Variants in LMNA observed in about 807,000 individuals in gnomAD.
The protein encoded by LMNA is lamin.
LMNA carries 20 observed loss-of-function variants against 70.4 expected under a neutral mutation model. The observed-to-expected ratio is 0.28, with a 90% confidence interval of 0.20 to 0.41. The LOEUF is 0.41. LMNA is among the 10% of genes least tolerant of loss of function. The probability of loss-of-function intolerance (pLI) is 1.00; values close to 1 mark genes in which losing one functional copy is unlikely to be tolerated. For missense variants in LMNA, 652 were observed against 917.2 expected (o/e 0.71, Z 3.73); for synonymous variants, 339 against 372.8 (o/e 0.91, Z 1.04).
upstream of LMNA, among the ~76,000 whole-genome samples, chr1:156,112,244 G>A (rs140612013): frequency 2.0e-5 from 3 of 152,186 alleles, no homozygotes; most frequent in South Asian, 2.1e-4. Context: ...GCAAGGCTCC[G>A]TCTCTATCAT....
Position 156,131,431 on chromosome 1 carries a change from T to C in LMNA, c.513+658T>C, listed in dbSNP as rs115745984. Reference sequence around the variant, plus strand: ...AGACCCCATCTCTAGAAAATAAAAATTTAAAGAAATTAGCTGGGCATGGTG... The same window carrying C: ...AGACCCCATCTCTAGAAAATAAAAACTTAAAGAAATTAGCTGGGCATGGTG... On this transcript the variant is annotated intron_variant, in intron 2 of 11. Coordinates refer to ENST00000368300, the MANE Select transcript of LMNA (RefSeq NM_170707.4). Among the ~76,000 whole-genome samples the C allele has an allele frequency of 4.8e-3, 711 of 147,516 alleles. 6 individuals are homozygous for C. The highest frequency in any genetic ancestry group is 0.017 in the African/African-American group (674 of 39,626).
At chr1:156,133,371 G>C (rs1651248826) in intron 2 of LMNA, among the ~76,000 whole-genome samples, 1 of 151,656 alleles carries the variant, frequency 6.6e-6, no homozygotes, top group Admixed American at 6.6e-5. Context: ...AGGAGATCGA[G>C]ACTATCCTGG....
intron 1 of LMNA, chr1:156,129,742 A>C: frequency 1.5e-6 from 1 of 661,344 alleles, no homozygotes. Context: ...AAAAATAATC[A>C]GGGGCCCAGA....
At chr1:156,126,298 C>A in intron 1 of LMNA, 1 of 1,114,170 alleles carries the variant, frequency 9.0e-7, no homozygotes, top group Non-Finnish European at 1.2e-6. Context: ...TCCCCTTTGT[C>A]TTCCCCTCCC....
At chr1:156,124,265 A>C (rs2102842946) in intron 1 of LMNA, among the ~76,000 whole-genome samples, 1 of 151,794 alleles carries the variant, frequency 6.6e-6, no homozygotes, top group Middle Eastern at 3.4e-3. Flanking sequence ...TCCCTGGAAC[A>C]GCTGCCCCCC....
chr1:156,108,502 G>A, intron 3 of LMNA, among the ~76,000 whole-genome samples: 1 of 152,112 alleles, frequency 6.6e-6, no homozygotes, highest in East Asian at 1.9e-4. Context: ...GGCTGGGCGT[G>A]GTGGCTCATG....
upstream of LMNA, among the ~76,000 whole-genome samples, chr1:156,113,860 CAGTAGAAAGGG>C (rs1649631681): frequency 6.6e-6 from 1 of 152,056 alleles, no homozygotes; most frequent in Non-Finnish European, 1.5e-5. Flanking sequence ...GTGCGGTAAG[CAGTAGAAAGGG>C]ACTGAAGGGG....
At chr1:156,131,048 G>A (rs1044402029) in intron 2 of LMNA, among the ~76,000 whole-genome samples, 1 of 152,122 alleles carries the variant, frequency 6.6e-6, no homozygotes, top group Non-Finnish European at 1.5e-5. Flanking sequence ...GAGGTGGGCC[G>A]ATCACGAGGT....
At chr1:156,122,630 A>G (rs1437830727) in intron 1 of LMNA, among the ~76,000 whole-genome samples, 4 of 152,216 alleles carry the variant, frequency 2.6e-5, no homozygotes, top group Non-Finnish European at 4.4e-5. Context: ...GGACGGTGGA[A>G]AGGGCTGTGT....
intron 3 of LMNA, among the ~76,000 whole-genome samples, chr1:156,095,643 C>T (rs182332617): frequency 1.6e-3 from 244 of 152,274 alleles, no homozygotes; most frequent in Non-Finnish European, 2.8e-3. Flanking sequence ...AGGCGTGAGC[C>T]ACTGCGCCCG....
chr1:156,117,153 C>T (rs1001952484), intron 1 of LMNA, among the ~76,000 whole-genome samples: 1 of 146,500 alleles, frequency 6.8e-6, no homozygotes, highest in Non-Finnish European at 1.5e-5. Flanking sequence ...TGGTCTCAAA[C>T]TCCTGACTTC....
chr1:156,083,783 C>T (rs535294321), intron 2 of LMNA, among the ~76,000 whole-genome samples: 1 of 151,722 alleles, frequency 6.6e-6, no homozygotes, highest in Non-Finnish European at 1.5e-5. Flanking sequence ...GTCCCCCCCA[C>T]AAAAAAACAA....
At chr1:156,088,659 A>T (rs1307693777) in intron 2 of LMNA, among the ~76,000 whole-genome samples, 1 of 152,136 alleles carries the variant, frequency 6.6e-6, no homozygotes, top group African/African-American at 2.4e-5. Context: ...TTTATTTTAT[A>T]TATTTTTTGA....
chr1:156,113,076 C>A (rs1649597741), upstream of LMNA, among the ~76,000 whole-genome samples: 1 of 151,934 alleles, frequency 6.6e-6, no homozygotes, highest in South Asian at 2.1e-4. Flanking sequence ...AGGCAGATTA[C>A]CTGAGGTCGG....
Position 156,139,558 on chromosome 1 carries a change from C to T in LMNA, c.*452C>T. The T allele has an allele frequency of 2.2e-6, 3 of 1,388,466 alleles. No individual in the cohort carries two copies. The highest frequency in any genetic ancestry group is 1.9e-6 in the Non-Finnish European group (2 of 1,075,496). The allele number at this position is 1,388,466 out of a possible 1,614,324, so 86.0% of individuals were successfully genotyped here. On this transcript the variant is annotated 3_prime_UTR_variant, in exon 12 of 12. Coordinates refer to ENST00000368300, the MANE Select transcript of LMNA (RefSeq NM_170707.4). Reference sequence around the variant, plus strand: ...TTCTCCGCCAGCCTCCTCTGGACGGCAGGCTCACTGCCAGGCCAGCCTCCG... The same window carrying T: ...TTCTCCGCCAGCCTCCTCTGGACGGTAGGCTCACTGCCAGGCCAGCCTCCG...
intron 3 of LMNA, chr1:156,106,739 A>G (rs1247774354): frequency 6.6e-6 from 1 of 151,068 alleles, no homozygotes; most frequent in Non-Finnish European, 1.5e-5. Context: ...GATGGACAAG[A>G]GAAAGGAAGG....
chr1:156,130,851 A>G, intron 2 of LMNA, 78 bp downstream of exon 2: 2 of 1,395,346 alleles, frequency 1.4e-6, no homozygotes, highest in South Asian at 1.2e-5. Context: ...GCCCTCCCCC[A>G]TGTGGTGCCT....
chr1:156,137,870 G>A lies in LMNA; in HGVS notation c.1698+127G>A, dbSNP rs989460250. ...TAAAGAATGTTTTGGAACTTTACTC[G>A]CTGGCCTGGCCTTTCTTCTCTCTCC... On this transcript the variant is annotated intron_variant, in intron 10 of 11. Transcript: ENST00000368300. This position sits in a 1 kb window ranked among gnomAD's most constrained non-coding sequence, Gnocchi z 4.6. 1.4e-5 allele frequency: 21 copies of A among 1,520,764 alleles called. No homozygotes were observed. The highest frequency in any genetic ancestry group is 1.8e-5 in the Non-Finnish European group (20 of 1,138,012). The allele number at this position is 1,520,764 out of a possible 1,614,324, so 94.2% of individuals were successfully genotyped here.
chr1:156,088,854 G>A (rs1416555201), intron 2 of LMNA, among the ~76,000 whole-genome samples: 1 of 152,006 alleles, frequency 6.6e-6, no homozygotes, highest in African/African-American at 2.4e-5. Flanking sequence ...GGGTTTCACC[G>A]TGTTAGCCAG....
Sources: allele counts gnomAD v4.1 joint callset (sites outside exome capture counted in the v4.1 genomes callset), GRCh38; gene constraint gnomAD v4.1.1; non-coding constraint Gnocchi (gnomAD v3.1); transcripts MANE v1.5; gene names NCBI Gene and HGNC (gene_info 2026-07-23, HGNC 2026-07-21).